DYNC2H1: variants seen among roughly 807,000 people sequenced by gnomAD.
The protein encoded by DYNC2H1 is cytoplasmic dynein 2 heavy chain 1.
A neutral mutation model predicts 570.0 loss-of-function variants in DYNC2H1; 410 were observed. The observed-to-expected ratio is 0.72, with a 90% CI of 0.66 to 0.78. The LOEUF is 0.78. Ranked by LOEUF, DYNC2H1 falls within the 30% of genes least tolerant of loss-of-function variation. The pLI is 0.00. For synonymous variants in DYNC2H1, 1,688 were observed against 1,677.6 expected, an observed-to-expected ratio of 1.01 and a Z score of -0.15; for missense variants, 4,865 against 5,046.4, an observed-to-expected ratio of 0.96 and a Z score of 1.09.
chr11:103,257,303 C>G (rs902862199), intron 68 of DYNC2H1, among the ~76,000 whole-genome samples: 5 of 152,108 alleles, frequency 3.3e-5, no homozygotes, highest in African/African-American at 4.8e-5. Flanking sequence ...GCTTCCAGAA[C>G]TGGGTGAAAT....
rs1301418649 is a variant in DYNC2H1, at chr11:103,205,017, AT to A, written c.8454+55del. Reference sequence around the variant, plus strand: ...AAAAGCACATTTTATTTTTGAAGTTATTGATTTTCACAACTTCTCTTTGGTG... The same window carrying A: ...AAAAGCACATTTTATTTTTGAAGTTATGATTTTCACAACTTCTCTTTGGTG... On this transcript the variant is annotated intron_variant, in intron 52 of 88. Transcript: ENST00000375735. The surrounding 1 kb of genome is among the most constrained non-coding windows in gnomAD (Gnocchi z 4.5). 1 of 1,495,682 alleles carries A rather than the reference AT, an allele frequency of 6.7e-7. No individual in the cohort carries two copies. Among genetic ancestry groups the A allele is most frequent in the Non-Finnish European group, 9.0e-7 (1 of 1,109,724 alleles). The allele number at this position is 1,495,682 out of a possible 1,614,324, so 92.7% of individuals were successfully genotyped here. A position where few individuals can be genotyped will look rare whatever the true frequency, so the allele number is the denominator to read the frequency against.
intron 32 of DYNC2H1, among the ~76,000 whole-genome samples, chr11:103,169,599 A>G (rs968640262): frequency 2.0e-5 from 3 of 152,286 alleles, no homozygotes; most frequent in Admixed American, 6.5e-5. Context: ...TGTAAATTGT[A>G]GCTGGAATGG....
rs12785243 is a variant in DYNC2H1 at position 103,189,136 on chromosome 11, A to G, written c.7292+488A>G. Among the ~76,000 whole-genome samples the G allele has an allele frequency of 0.11, 16,493 of 152,060 alleles. 1,037 individuals carry two copies. The highest frequency in any genetic ancestry group is 0.22 in the East Asian group (1,122 of 5,174). ...TCTGTTTATATTTAATATACATTAT[A>G]TTACATTACAAATATTGAATATTAC... On this transcript the variant is annotated intron_variant, in intron 44 of 88. Transcript: ENST00000375735. The surrounding 1 kb of genome is among the most constrained non-coding windows in gnomAD (Gnocchi z 4.3).
intron 83 of DYNC2H1, among the ~76,000 whole-genome samples, chr11:103,370,227 C>G (rs1941091511): frequency 6.6e-6 from 1 of 152,212 alleles, no homozygotes; most frequent in Non-Finnish European, 1.5e-5. Flanking sequence ...TGAGGCTCCT[C>G]TGCCTTTGGA....
chr11:103,243,858 C>T lies in DYNC2H1; in HGVS notation c.9918+67C>T. 1.6e-6 allele frequency: 2 copies of T among 1,256,642 alleles called. No homozygotes were observed. The highest frequency in any genetic ancestry group is 1.1e-6 in the Non-Finnish European group (1 of 908,296). 77.8% of individuals were successfully genotyped at this position (1,256,642 alleles called of 1,614,324 possible). A position where few individuals can be genotyped will look rare whatever the true frequency, so the allele number is the denominator to read the frequency against. On this transcript the variant is annotated intron_variant, in intron 64 of 88. Coordinates refer to ENST00000375735, the MANE Select transcript of DYNC2H1 (RefSeq NM_001377.3). This position sits in a 1 kb window ranked among gnomAD's most constrained non-coding sequence, Gnocchi z 4.8. The stretch of plus-strand genomic sequence containing the variant: ...TCTTATAGTGAAAAGATCTTGGAGT[C>T]TATAATCAGAAAACATAGATTCAAC...
In DYNC2H1 at chr11:103,170,871, ATTG is replaced by A. The variant is rs1861539037; in HGVS notation, c.5152-9_5152-7del. 6.9e-7 allele frequency: 1 copy of A among 1,448,136 alleles called. No homozygotes were observed. The highest frequency in any genetic ancestry group is 9.2e-7 in the Non-Finnish European group (1 of 1,090,956). 89.7% of individuals were successfully genotyped at this position (1,448,136 alleles called of 1,614,324 possible). A position where few individuals can be genotyped will look rare whatever the true frequency, so the allele number is the denominator to read the frequency against. Reference sequence around the variant, plus strand: ...TTATTTTTTAATGACTATAATTTTTATTGTTGTTTTTAAGGGCATCGATGTGAA... The same window carrying A: ...TTATTTTTTAATGACTATAATTTTTATTGTTTTTAAGGGCATCGATGTGAA... On this transcript the variant is annotated splice_polypyrimidine_tract_variant and intron_variant, in intron 33 of 88. Coordinates refer to ENST00000375735, the MANE Select transcript of DYNC2H1 (RefSeq NM_001377.3). The surrounding 1 kb of genome is among the most constrained non-coding windows in gnomAD (Gnocchi z 4.8).
intron 83 of DYNC2H1, among the ~76,000 whole-genome samples, chr11:103,393,686 A>T (rs1344926774): frequency 1.3e-5 from 2 of 152,176 alleles, no homozygotes; most frequent in Admixed American, 6.5e-5. Flanking sequence ...ATCTTTCAGA[A>T]TACTCCTGTA....
intron 70 of DYNC2H1, among the ~76,000 whole-genome samples, chr11:103,276,188 T>TACACACAC (rs150556013): frequency 0.13 from 20,025 of 151,386 alleles, 1,389 homozygotes; most frequent in African/African-American, 0.17. Flanking sequence ...TATTGAGTAC[T>TACACACAC]ACACACACAC....
At chr11:103,331,391 G>A (rs1230029287) in intron 82 of DYNC2H1, among the ~76,000 whole-genome samples, 1 of 152,024 alleles carries the variant, frequency 6.6e-6, no homozygotes, top group Non-Finnish European at 1.5e-5. Context: ...GTGGGGAGGG[G>A]TCCATAAAAC....
intron 82 of DYNC2H1, among the ~76,000 whole-genome samples, chr11:103,357,514 G>A (rs1940406051): frequency 6.6e-6 from 1 of 152,096 alleles, no homozygotes; most frequent in African/African-American, 2.4e-5. Flanking sequence ...TCTTTTTCCA[G>A]TCATTTCATA....
In DYNC2H1 at chr11:103,377,010, T is replaced by G. The variant is rs559637356; in HGVS notation, c.12156+18651T>G. Among the ~76,000 whole-genome samples the G allele has an allele frequency of 2.0e-5, 3 of 152,332 alleles. No individual in the cohort carries two copies. The East Asian group carries it at 5.8e-4, about 29-fold the overall frequency. ...ATCTGACTGTCTAGTGGGGATTCCC[T>G]TATATGTGACTTCACATTTTTCTCT... On this transcript the variant is annotated intron_variant, in intron 83 of 88. Transcript: ENST00000375735.
intron 84 of DYNC2H1, among the ~76,000 whole-genome samples, chr11:103,414,211 G>C (rs1489335619): frequency 6.6e-6 from 1 of 152,204 alleles, no homozygotes; most frequent in Non-Finnish European, 1.5e-5. Context: ...TCAGGAATTA[G>C]AGACAGGACA....
At chr11:103,253,228 T>C in intron 65 of DYNC2H1, 57 bp from the exon 66 acceptor site, 2 of 1,501,148 alleles carry the variant, frequency 1.3e-6, no homozygotes, top group Non-Finnish European at 1.8e-6. Context: ...TTTTCAAATA[T>C]TGTATAGTGA....
At chr11:103,152,778 C>T (rs572490547) in intron 21 of DYNC2H1, among the ~76,000 whole-genome samples, 27 of 152,058 alleles carry the variant, frequency 1.8e-4, no homozygotes, top group African/African-American at 6.5e-4. Flanking sequence ...ATGGGTTATT[C>T]AGTTGCTGTG....
In DYNC2H1 at chr11:103,236,467, G is replaced by A. The variant is rs561165138; in HGVS notation, c.9747G>A (p.Glu3249=). 4.3e-5 allele frequency: 70 copies of A among 1,609,898 alleles called. No homozygotes were observed. The South Asian group carries it at 6.6e-4, about 15-fold the overall frequency. ...DLRRFLCTES[E]QLIWKSEGLP... The stretch of plus-strand genomic sequence containing the variant: ...GGAGATTTCTTTGTACTGAAAGTGA[G>A]CAGTTAATTTGGAAAAGTGAAGGCC... Residue 3249 remains glutamate, a synonymous_variant, in exon 63 of 89, where the codon GAG becomes GAA. Coordinates refer to ENST00000375735, the MANE Select transcript of DYNC2H1 (RefSeq NM_001377.3).
chr11:103,341,519 C>T (rs528282553), intron 82 of DYNC2H1, among the ~76,000 whole-genome samples: 1 of 152,202 alleles, frequency 6.6e-6, no homozygotes, highest in East Asian at 1.9e-4. Context: ...AGTTCTATCC[C>T]AGGTCTGTAA....
At chr11:103,397,698 C>T (rs1942455139) in intron 83 of DYNC2H1, among the ~76,000 whole-genome samples, 1 of 152,088 alleles carries the variant, frequency 6.6e-6, no homozygotes, top group African/African-American at 2.4e-5. Flanking sequence ...AGTTTGAGAC[C>T]AGCCTGGGCA....
At chr11:103,388,772 T>C (rs1942002724) in intron 83 of DYNC2H1, among the ~76,000 whole-genome samples, 1 of 152,216 alleles carries the variant, frequency 6.6e-6, no homozygotes, top group South Asian at 2.1e-4. Flanking sequence ...AGGTGGTTTT[T>C]GTCATTGGTT....
chr11:103,147,737 T>G (rs1219110605), intron 18 of DYNC2H1, 35 bp from the exon 19 acceptor site: 1 of 1,340,102 alleles, frequency 7.5e-7, no homozygotes, highest in Non-Finnish European at 1.1e-6. Context: ...AATTAGTCTT[T>G]TCCATGTCAA....
Sources: gnomAD v4.1 joint callset for allele counts (sites outside exome capture counted in the v4.1 genomes callset) on GRCh38, gnomAD v4.1.1 for gene constraint, Gnocchi (gnomAD v3.1) non-coding constraint, MANE v1.5 for transcripts, NCBI Gene and HGNC (gene_info 2026-07-23, HGNC 2026-07-21) for gene names.